The following GRIK1 variants were observed in gnomAD, a reference collection of about 807,000 sequenced individuals.
The protein encoded by GRIK1 is glutamate receptor ionotropic, kainate 1.
A neutral mutation model predicts 105.7 loss-of-function variants in GRIK1; 69 were observed. The observed-to-expected ratio is 0.65, with a 90% confidence interval of 0.54 to 0.80. GRIK1 has a LOEUF of 0.80. Ranked by LOEUF, GRIK1 falls within the 30% of genes least tolerant of loss-of-function variation. The pLI is 0.00. For synonymous variants in GRIK1, 438 were observed against 431.3 expected, an observed-to-expected ratio of 1.02 and a Z score of -0.19; for missense variants, 1,109 against 1,167.3, an observed-to-expected ratio of 0.95 and a Z score of 0.73.
chr21:29,913,572 G>A (rs901792308), intron 1 of GRIK1, among the ~76,000 whole-genome samples: 3 of 151,326 alleles, frequency 2.0e-5, no homozygotes, highest in Non-Finnish European at 2.9e-5. Context: ...TAAAGACCTG[G>A]AATAGGATAT....
Position 29,795,223 on chromosome 21 carries a change from A to G in GRIK1, c.119-101160T>C, listed in dbSNP as rs529876564. On this transcript the variant is annotated intron_variant, in intron 1 of 17. Coordinates refer to ENST00000327783, the MANE Select transcript of GRIK1 (RefSeq NM_001330994.2). ...GCTAATTTTTGTATTTTTAGTAGAG[A>G]TGGGGTTTCACCATGTTGGCCAGGC... 4.6e-5 allele frequency among the ~76,000 whole-genome samples: 7 copies of G among 151,782 alleles called. No homozygotes were observed. The East Asian group carries it at 1.4e-3, about 29-fold the overall frequency.
intron 1 of GRIK1, among the ~76,000 whole-genome samples, chr21:29,894,540 C>T (rs899397976): frequency 1.4e-4 from 21 of 152,096 alleles, no homozygotes; most frequent in African/African-American, 4.3e-4. Context: ...CCACCCAGAC[C>T]GAGGATAGGT....
intron 1 of GRIK1, among the ~76,000 whole-genome samples, chr21:29,828,009 C>CTGTG (rs1178198657): frequency 3.4e-4 from 23 of 68,426 alleles, no homozygotes; most frequent in East Asian, 2.1e-3. Context: ...CTCTGTCTCT[C>CTGTG]TCTGTGTGTG....
At chr21:29,595,290 A>G (rs1361950787) in intron 9 of GRIK1, among the ~76,000 whole-genome samples, 1 of 150,638 alleles carries the variant, frequency 6.6e-6, no homozygotes, top group Non-Finnish European at 1.5e-5. Flanking sequence ...GGACATTTGT[A>G]TTAGATTAAT....
chr21:29,685,064 T>G (rs2063463489), intron 3 of GRIK1, among the ~76,000 whole-genome samples: 1 of 152,216 alleles, frequency 6.6e-6, no homozygotes, highest in Non-Finnish European at 1.5e-5. Flanking sequence ...ATCTAATATC[T>G]AAAATAATAT....
chr21:29,766,138 C>T (rs1166560820), intron 1 of GRIK1, among the ~76,000 whole-genome samples: 10 of 152,190 alleles, frequency 6.6e-5, no homozygotes, highest in Non-Finnish European at 1.3e-4. Flanking sequence ...CATGAGCCAC[C>T]GTGCCTGGCC....
At chr21:29,865,395 C>A (rs1186001117) in intron 1 of GRIK1, among the ~76,000 whole-genome samples, 5 of 152,140 alleles carry the variant, frequency 3.3e-5, no homozygotes, top group Non-Finnish European at 7.4e-5. Context: ...TTAAATCTGA[C>A]CTTTTAAAAA....
chr21:29,875,926 T>A (rs369028579), intron 1 of GRIK1, among the ~76,000 whole-genome samples: 54 of 152,280 alleles, frequency 3.5e-4, no homozygotes, highest in Admixed American at 9.2e-4. Flanking sequence ...ATCTGTCTGA[T>A]CTCTCAGCCC....
chr21:29,626,705 C>A (rs1175652986), intron 7 of GRIK1, among the ~76,000 whole-genome samples: 2 of 152,176 alleles, frequency 1.3e-5, no homozygotes, highest in Non-Finnish European at 2.9e-5. Flanking sequence ...TGGTGGATGT[C>A]AATGTTTAGC....
intron 1 of GRIK1, among the ~76,000 whole-genome samples, chr21:29,871,500 T>G (rs2069010076): frequency 6.6e-6 from 1 of 152,144 alleles, no homozygotes; most frequent in African/African-American, 2.4e-5. Flanking sequence ...GAGTTCGACC[T>G]AAAATTTTCA....
At chr21:29,559,442 T>G (rs573035286) in intron 15 of GRIK1, among the ~76,000 whole-genome samples, 2 of 152,158 alleles carry the variant, frequency 1.3e-5, no homozygotes, top group African/African-American at 2.4e-5. Context: ...AGCTTACCAC[T>G]TGGGGCAAAA....
At chr21:29,858,242 T>C (rs2068525138) in intron 1 of GRIK1, among the ~76,000 whole-genome samples, 1 of 152,130 alleles carries the variant, frequency 6.6e-6, no homozygotes. Flanking sequence ...AGAATAACAA[T>C]TCCTCTGCTC....
chr21:29,885,458 T>C (rs539732089), intron 1 of GRIK1, among the ~76,000 whole-genome samples: 1 of 152,054 alleles, frequency 6.6e-6, no homozygotes, highest in South Asian at 2.1e-4. Flanking sequence ...AAAAATCTTG[T>C]GATATAGAAT....
chr21:29,817,611 T>C (rs576048754), intron 1 of GRIK1, among the ~76,000 whole-genome samples: 1 of 152,106 alleles, frequency 6.6e-6, no homozygotes, highest in South Asian at 2.1e-4. Flanking sequence ...AGCTGCTGTC[T>C]TCCTCTATGC....
At chr21:29,656,438 G>A (rs867771874) in intron 4 of GRIK1, among the ~76,000 whole-genome samples, 4 of 137,004 alleles carry the variant, frequency 2.9e-5, no homozygotes, top group East Asian at 2.5e-4. Flanking sequence ...GTAGTTTTCC[G>A]CACAACTCTG....
intron 16 of GRIK1, among the ~76,000 whole-genome samples, chr21:29,541,209 AC>A (rs926129907): frequency 1.6e-4 from 24 of 151,710 alleles, no homozygotes; most frequent in Non-Finnish European, 3.1e-4. Context: ...CTCATGATCC[AC>A]CCCCCTTGGC....
At chr21:29,782,389 T>G (rs2066148528) in intron 1 of GRIK1, among the ~76,000 whole-genome samples, 1 of 152,196 alleles carries the variant, frequency 6.6e-6, no homozygotes, top group Non-Finnish European at 1.5e-5. Context: ...AATGTTCCCT[T>G]TCTTTGGGAC....
At chr21:29,879,476 C>A (rs761126824) in intron 1 of GRIK1, among the ~76,000 whole-genome samples, 59 of 152,184 alleles carry the variant, frequency 3.9e-4, no homozygotes, top group Admixed American at 9.8e-4. Flanking sequence ...TACTAGATAG[C>A]TAGGTATGCA....
intron 1 of GRIK1, among the ~76,000 whole-genome samples, chr21:29,878,047 G>T (rs1279732458): frequency 6.6e-6 from 1 of 152,178 alleles, no homozygotes; most frequent in Non-Finnish European, 1.5e-5. Context: ...TTTGAAAAAG[G>T]TCCTTAGGAA....
Sources: gnomAD v4.1 joint callset for allele counts (sites outside exome capture counted in the v4.1 genomes callset) on GRCh38, gnomAD v4.1.1 for gene constraint, MANE v1.5 for transcripts, NCBI Gene and HGNC (gene_info 2026-07-23, HGNC 2026-07-21) for gene names.